Variants in METAP2 observed in about 807,000 individuals in gnomAD.
METAP2 encodes the protein methionine aminopeptidase 2.
A neutral mutation model predicts 59.4 loss-of-function variants in METAP2; 25 were observed. The ratio of observed to expected loss-of-function variants is 0.42; its 90% CI spans 0.31 to 0.59. The LOEUF is 0.59. Ranked by LOEUF, METAP2 falls within the 20% of genes least tolerant of loss-of-function variation. The pLI is 0.16. For missense variants in METAP2, 366 were observed against 581.2 expected, an observed-to-expected ratio of 0.63 and a Z score of 3.81; for synonymous variants, 214 against 194.1, an observed-to-expected ratio of 1.10 and a Z score of -0.85.
chr12:95,496,033 A>G lies in METAP2; in HGVS notation c.802A>G (p.Thr268Ala), dbSNP rs770532371. ...GATTATTGACTGTGCTTTTACTGTCACTTTTAATCCCAAATATGATACGTT... is the reference window on the plus strand; with the variant it reads ...GATTATTGACTGTGCTTTTACTGTCGCTTTTAATCCCAAATATGATACGTT... Reference protein sequence around the residue: ...GRIIDCAFTVTFNPKYDTLLK... With the variant: ...GRIIDCAFTVAFNPKYDTLLK... Residue 268 changes from threonine (T) to alanine (A), a missense_variant, in exon 7 of 11, where the codon ACT (threonine) becomes GCT (alanine). Physicochemically the swap from Thr to Ala is moderately conservative, Grantham distance 58. Around this residue, in one of 4 missense-constraint regions of METAP2, gnomAD observed 106 missense variants for 221.9 expected, o/e 0.48. Transcript: ENST00000323666. 1.9e-6 allele frequency: 3 copies of G among 1,599,152 alleles called. No homozygotes were observed. The highest frequency in any genetic ancestry group is 1.7e-6 in the Non-Finnish European group (2 of 1,169,450).
intron 7 of METAP2, among the ~76,000 whole-genome samples, chr12:95,500,403 T>C (rs189453952): frequency 1.5e-3 from 226 of 152,332 alleles, no homozygotes; most frequent in Middle Eastern, 0.01. Flanking sequence ...TTTTCTTGCC[T>C]GATTGTTCTG....
chr12:95,503,862 CTTG>C (rs1179673056), intron 7 of METAP2, among the ~76,000 whole-genome samples, 200 bp from the exon 8 acceptor site: 2 of 152,170 alleles, frequency 1.3e-5, no homozygotes, highest in African/African-American at 2.4e-5. Context: ...TGTCAGTGCA[CTTG>C]TTGTCTATTT....
chr12:95,488,880 T>TCA (rs2076217317), intron 4 of METAP2, among the ~76,000 whole-genome samples: 1 of 143,042 alleles, frequency 7.0e-6, no homozygotes, highest in Non-Finnish European at 1.5e-5. Flanking sequence ...TCATATAGCC[T>TCA]TACACACACA....
At chr12:95,508,949 A>C (rs980184975) in intron 8 of METAP2, among the ~76,000 whole-genome samples, 8 of 130,172 alleles carry the variant, frequency 6.1e-5, no homozygotes, top group Non-Finnish European at 9.9e-5. Flanking sequence ...TGGAAAAATC[A>C]TGATAATAGG....
At chr12:95,497,796 T>G (rs932424170) in intron 7 of METAP2, among the ~76,000 whole-genome samples, 4 of 152,104 alleles carry the variant, frequency 2.6e-5, no homozygotes, top group Admixed American at 2.6e-4. Flanking sequence ...AAATGTCTAT[T>G]CAAGTTTTTT....
chr12:95,503,636 C>G (rs1208576529), intron 7 of METAP2, among the ~76,000 whole-genome samples: 1 of 152,206 alleles, frequency 6.6e-6, no homozygotes, highest in African/African-American at 2.4e-5. Context: ...AGGACATAGA[C>G]TGTTCTGCCC....
At chr12:95,502,697 A>G (rs1028361556) in intron 7 of METAP2, among the ~76,000 whole-genome samples, 3 of 151,978 alleles carry the variant, frequency 2.0e-5, no homozygotes, top group East Asian at 1.9e-4. Context: ...GAAAATTTCC[A>G]TAATGCATAT....
chr12:95,506,363 CT>C (rs1485665739), intron 8 of METAP2, among the ~76,000 whole-genome samples: 5 of 141,102 alleles, frequency 3.5e-5, no homozygotes, highest in Non-Finnish European at 7.6e-5. Context: ...GTGGCGCAAT[CT>C]TGGTTCACGG....
chr12:95,496,710 A>T (rs1379909200), intron 7 of METAP2, among the ~76,000 whole-genome samples: 1 of 151,396 alleles, frequency 6.6e-6, no homozygotes, highest in Non-Finnish European at 1.5e-5. Flanking sequence ...CTGTCCACCA[A>T]ACTCTGGTAC....
chr12:95,484,113 T>A (rs2076178854), intron 3 of METAP2, among the ~76,000 whole-genome samples: 1 of 152,154 alleles, frequency 6.6e-6, no homozygotes, highest in Non-Finnish European at 1.5e-5. Context: ...TAATCTTGGA[T>A]GCCATTTGGG....
chr12:95,476,128 A>G lies in METAP2; in HGVS notation c.209A>G (p.Gln70Arg), dbSNP rs1266353102. ...GCCTCAGTGGATGAAGTAGCAAGAC[A>G]GTTGGAAAGATCAGCATTGGAAGAT... Reference protein sequence around the residue: ...SGASVDEVARQLERSALEDKE... With the variant: ...SGASVDEVARRLERSALEDKE... Residue 70 changes from glutamine to arginine, a missense_variant, in exon 2 of 11, where the codon CAG becomes CGG. Gln to Arg is a conservative substitution (Grantham distance 43). Coordinates refer to ENST00000323666, the MANE Select transcript of METAP2 (RefSeq NM_006838.4). 6.2e-7 allele frequency: 1 copy of G among 1,612,648 alleles called. No homozygotes were observed. The highest frequency in any genetic ancestry group is 1.3e-5 in the African/African-American group (1 of 74,900).
intron 9 of METAP2, 78 bp from the exon 10 acceptor site, chr12:95,512,723 A>C: frequency 1.3e-6 from 1 of 783,454 alleles, no homozygotes; most frequent in Non-Finnish European, 2.1e-6. Flanking sequence ...AAAGAGAGAG[A>C]GAGAAAGAGA....
rs146510066 is a variant in METAP2 at position 95,474,258 on chromosome 12, G to T, written c.79G>T (p.Ala27Ser). ...DLDPDDREEGAASTAEEAAKK... is the reference protein window; with the variant it reads ...DLDPDDREEGSASTAEEAAKK... The stretch of plus-strand genomic sequence containing the variant: ...GGATCCAGACGACAGGGAAGAAGGA[G>T]CTGCCTCTACGGCTGAGGAAGCAGC... The change falls in exon 1 of 11, where the codon GCT becomes TCT. Residue 27 changes from alanine to serine, a missense_variant. By Grantham distance (99) the Ala-to-Ser change is moderately conservative. This residue lies in a region of METAP2 where 177 missense variants were observed against 180.3 expected (regional missense o/e 0.98). Coordinates refer to ENST00000323666, the MANE Select transcript of METAP2 (RefSeq NM_006838.4). 1.8e-5 allele frequency: 29 copies of T among 1,614,266 alleles called. No homozygotes were observed. The highest frequency in any genetic ancestry group is 8.3e-5 in the Admixed American group (5 of 60,034).
chr12:95,476,309 C>G (rs1400788096), intron 2 of METAP2, 131 bp downstream of exon 2: 1 of 487,834 alleles, frequency 2.0e-6, no homozygotes, highest in African/African-American at 2.0e-5. Flanking sequence ...TAGTTCGAGA[C>G]CAGCCTGGCC....
In METAP2 at chr12:95,514,584, T is replaced by C. The variant is rs1381146773; in HGVS notation, c.*680T>C. On this transcript the variant is annotated 3_prime_UTR_variant, in exon 11 of 11. Coordinates refer to ENST00000323666, the MANE Select transcript of METAP2 (RefSeq NM_006838.4). ...GGACATAGTAGTCCTTGTCTTTTTT[T>C]CTCCTGACATTGGAAAGATGTGCTA... 6.6e-6 allele frequency: 1 copy of C among 152,212 alleles called. No homozygotes were observed. The highest frequency in any genetic ancestry group is 2.4e-5 in the African/African-American group (1 of 41,448). The allele number at this position is 152,212 out of a possible 1,614,324, so 9.4% of individuals were successfully genotyped here.
At chr12:95,499,652 A>G (rs1441405454) in intron 7 of METAP2, among the ~76,000 whole-genome samples, 1 of 150,526 alleles carries the variant, frequency 6.6e-6, no homozygotes, top group Non-Finnish European at 1.5e-5. Flanking sequence ...TGGTATTGAC[A>G]TTTTAATAAT....
rs199661494 is a variant in METAP2, at chr12:95,474,210, G to C, written c.31G>C (p.Gly11Arg). The C allele has an allele frequency of 1.9e-6, 3 of 1,614,146 alleles. No homozygotes were observed. The highest frequency in any genetic ancestry group is 1.7e-4 in the Middle Eastern group (1 of 6,050). The change falls in exon 1 of 11, where the codon GGG becomes CGG. Residue 11 changes from glycine to arginine, a missense_variant. Physicochemically the swap from Gly to Arg is moderately radical, Grantham distance 125 (BLOSUM62 -2). This residue lies in a region of METAP2 where 177 missense variants were observed against 180.3 expected (regional missense o/e 0.98). Coordinates refer to ENST00000323666, the MANE Select transcript of METAP2 (RefSeq NM_006838.4). MAGVEEVAAS[G>R]SHLNGDLDPD... ...GGGTGTGGAGGAGGTAGCGGCCTCC[G>C]GGAGCCACCTGAATGGCGACCTGGA...
At chr12:95,477,751 T>C (rs1008106423) in intron 2 of METAP2, among the ~76,000 whole-genome samples, 4 of 152,194 alleles carry the variant, frequency 2.6e-5, no homozygotes, top group Non-Finnish European at 4.4e-5. Flanking sequence ...GTTAGGGTAA[T>C]GTAGAGTAGT....
Position 95,494,083 on chromosome 12 carries a change from T to G in METAP2, c.456T>G (p.Ser152Arg). 1 of 1,613,770 alleles carries G rather than the reference T, an allele frequency of 6.2e-7. No homozygotes were observed. The highest frequency in any genetic ancestry group is 8.5e-7 in the Non-Finnish European group (1 of 1,179,916). ...GAACAGCTGCTTGGAGAACTACAAG[T>G]GAAGAAAAGAAAGCATTAGATCAGG... ...DGRTAAWRTT[S>R]EEKKALDQAS... The change falls in exon 5 of 11, where the codon AGT becomes AGG. Residue 152 changes from serine (S) to arginine (R), a missense_variant. Physicochemically the swap from Ser to Arg is moderately radical, Grantham distance 110. Around this residue, in one of 4 missense-constraint regions of METAP2, gnomAD observed 177 missense variants for 180.3 expected, o/e 0.98. Transcript: ENST00000323666.
Sources: allele counts gnomAD v4.1 joint callset (sites outside exome capture counted in the v4.1 genomes callset), GRCh38; gene constraint gnomAD v4.1.1; regional missense constraint gnomAD v4.1.1; transcripts MANE v1.5; gene names NCBI Gene and HGNC (gene_info 2026-07-23, HGNC 2026-07-21).